NOS3: variants seen among roughly 807,000 people sequenced by gnomAD.
NOS3 encodes nitric oxide synthase 3.
In NOS3, 98 loss-of-function variants were observed where a neutral mutation model predicts 144.9. That is an observed-to-expected ratio of 0.68 (90% CI 0.57 to 0.80). NOS3 has a LOEUF of 0.80. Ranked by LOEUF, NOS3 falls within the 30% of genes least tolerant of loss-of-function variation. NOS3 has a pLI of 0.00. For synonymous variants in NOS3, 714 were observed against 702.4 expected (o/e 1.02, Z -0.26); for missense variants, 1,465 against 1,656.4 (o/e 0.88, Z 2.01).
intron 24 of NOS3, chr7:151,013,027 G>A (rs1435194623): frequency 6.9e-6 from 4 of 576,876 alleles, no homozygotes; most frequent in Non-Finnish European, 1.2e-5. Context: ...CACCTCACCC[G>A]CGCTTCCCTT....
intron 14 of NOS3, among the ~76,000 whole-genome samples, chr7:151,005,805 A>G (rs1386743397): frequency 3.3e-5 from 5 of 152,234 alleles, no homozygotes; most frequent in Non-Finnish European, 7.3e-5. Flanking sequence ...AGGCCGGAGG[A>G]TCGCTTGAGC....
At position 150,993,949 on chromosome 7, in the gene NOS3, C is replaced by A. The variant is rs755710890; in HGVS notation, c.146C>A (p.Ala49Glu). The change falls in exon 2 of 27, where the codon GCG becomes GAG. Residue 49 changes from alanine to glutamate, a missense_variant. Ala to Glu is a moderately radical substitution (Grantham distance 107, BLOSUM62 -1). This residue lies in a region of NOS3 where 374 missense variants were observed against 377.0 expected (regional missense o/e 0.99). Transcript: ENST00000297494. The surrounding 1 kb of genome is among the most constrained non-coding windows in gnomAD (Gnocchi z 4.0). Reference protein sequence around the residue: ...SRAPASLLPPAPEHSPPSSPL... With the variant: ...SRAPASLLPPEPEHSPPSSPL... ...GCCCCAGCATCCCTACTCCCACCAG[C>A]GCCAGAACACAGGTAAGGGCCAGGC... 3 of 1,566,438 alleles carry A rather than the reference C, an allele frequency of 1.9e-6. No individual in the cohort carries two copies. Among genetic ancestry groups the A allele is most frequent in the East Asian group, 4.7e-5 (2 of 42,246 alleles).
In NOS3 at chr7:151,014,326, A is replaced by G; in HGVS notation, c.*157A>G. The G allele has an allele frequency of 1.2e-6, 1 of 823,998 alleles. No homozygotes were observed. Among genetic ancestry groups the G allele is most frequent in the East Asian group, 2.7e-5 (1 of 36,696 alleles). The allele number at this position is 823,998 out of a possible 1,614,324, so 51.0% of individuals were successfully genotyped here. ...CAGCATTATTCCTCCAGGAAGGAGC[A>G]AAACGCCTCTTTTCCCTCTCTAGGC... On this transcript the variant is annotated 3_prime_UTR_variant, in exon 27 of 27. Coordinates refer to ENST00000297494, the MANE Select transcript of NOS3 (RefSeq NM_000603.5).
rs1802506304 is a variant in NOS3 at position 150,999,077 on chromosome 7, G to T, written c.948G>T (p.Glu316Asp). 1 of 1,612,510 alleles carries T rather than the reference G, an allele frequency of 6.2e-7. No homozygotes were observed. Among genetic ancestry groups the T allele is most frequent in the African/African-American group, 1.3e-5 (1 of 74,906 alleles). ...PPELVLEVPLEHPTLEWFAAL... is the reference protein window; with the variant it reads ...PPELVLEVPLDHPTLEWFAAL... Reference sequence around the variant, plus strand: ...AGCTGGTCCTTGAGGTGCCCCTGGAGCACCCCACGTGAGCACCAAAGGGAT... The same window carrying T: ...AGCTGGTCCTTGAGGTGCCCCTGGATCACCCCACGTGAGCACCAAAGGGAT... The change falls in exon 8 of 27, where the codon GAG becomes GAT. Residue 316 changes from glutamate to aspartate, a missense_variant. Physicochemically the swap from Glu to Asp is conservative, Grantham distance 45. This residue lies in a region of NOS3 where 745 missense variants were observed against 853.9 expected (regional missense o/e 0.87). Coordinates refer to ENST00000297494, the MANE Select transcript of NOS3 (RefSeq NM_000603.5).
Position 151,010,957 on chromosome 7 carries a change from C to T in NOS3, c.2955C>T (p.Pro985=), listed in dbSNP as rs758081272. 45 of 1,613,726 alleles carry T rather than the reference C, an allele frequency of 2.8e-5. No homozygotes were observed. The highest frequency in any genetic ancestry group is 3.3e-4 in the Middle Eastern group (2 of 6,082). Residue 985 remains proline, a synonymous_variant, in exon 23 of 27, where the codon CCC becomes CCT. Transcript: ENST00000297494. ...CCACGTGGCTAAGCCAGCTCAAGCC[C>T]GGAGACCCTGTGCCCTGCTTCATCC... ...VCSTWLSQLK[P]GDPVPCFIRG...
At chr7:151,001,986 G>A in intron 13 of NOS3, 21 bp downstream of exon 13, 1 of 1,612,134 alleles carries the variant, frequency 6.2e-7, no homozygotes, top group Non-Finnish European at 8.5e-7. Context: ...GCCCAGGGGA[G>A]CAGGGAGCTA....
rs550073480 is a variant in NOS3, at chr7:151,006,819, G to A, written c.1821-70G>A. The A allele has an allele frequency of 2.4e-6, 3 of 1,243,248 alleles. No individual in the cohort carries two copies. The African/African-American group carries it at 4.4e-5, about 18-fold the overall frequency. The allele number at this position is 1,243,248 out of a possible 1,614,324, so 77.0% of individuals were successfully genotyped here. A position where few individuals can be genotyped will look rare whatever the true frequency, so the allele number is the denominator to read the frequency against. On this transcript the variant is annotated intron_variant, in intron 15 of 26. Coordinates refer to ENST00000297494, the MANE Select transcript of NOS3 (RefSeq NM_000603.5). Reference sequence around the variant, plus strand: ...GGCAGAGACCCTGAAGCCGTCCCTGGGGCTGGGGCTGGGCCTAGCCTGTAT... The same window carrying A: ...GGCAGAGACCCTGAAGCCGTCCCTGAGGCTGGGGCTGGGCCTAGCCTGTAT...
rs762726043 is a variant in NOS3, at chr7:150,993,076, G to A, written c.-51-677G>A. Among the ~76,000 whole-genome samples the A allele has an allele frequency of 2.0e-5, 3 of 152,238 alleles. No individual in the cohort carries two copies. The highest frequency in any genetic ancestry group is 4.4e-5 in the Non-Finnish European group (3 of 68,050). On this transcript the variant is annotated intron_variant, in intron 1 of 26. Coordinates refer to ENST00000297494, the MANE Select transcript of NOS3 (RefSeq NM_000603.5). The surrounding 1 kb of genome is among the most constrained non-coding windows in gnomAD (Gnocchi z 4.0). ...CACTGAATGACAGGGTGGGGGTGGAGGCACTGGAAGGCAGCTTCCTGCTCT... is the reference window on the plus strand; with the variant it reads ...CACTGAATGACAGGGTGGGGGTGGAAGCACTGGAAGGCAGCTTCCTGCTCT...
At chr7:151,009,634 C>T (rs989713968) in intron 20 of NOS3, 49 bp downstream of exon 20, 5 of 1,431,474 alleles carry the variant, frequency 3.5e-6, no homozygotes, top group Non-Finnish European at 4.6e-6. Context: ...CCATGCCCAG[C>T]CCCACCCCCG....
chr7:150,999,980 G>A (rs570540029), intron 9 of NOS3, among the ~76,000 whole-genome samples: 8 of 149,424 alleles, frequency 5.4e-5, no homozygotes, highest in South Asian at 4.3e-4. Flanking sequence ...AGGGGTAGGC[G>A]AGTGTGGGTT....
At position 151,010,602 on chromosome 7, in the gene NOS3, C is replaced by A. The variant is rs201032611; in HGVS notation, c.2691C>A (p.Pro897=). 4.4e-5 allele frequency: 70 copies of A among 1,587,898 alleles called. No homozygotes were observed. In the East Asian group the frequency reaches 1.4e-3, roughly 31 times the overall value. The stretch of plus-strand genomic sequence containing the variant: ...ACTGCATCCTGCCCCGCCAGGATCC[C>A]CGACGCTACGAGGAGTGGAAGTGGT... ...QQELEALSQD[P]RRYEEWKWFR... is the part of the protein sequence containing the mutation. The change falls in exon 22 of 27, where the codon CCC becomes CCA. Residue 897 remains proline (P), a synonymous_variant. Coordinates refer to ENST00000297494, the MANE Select transcript of NOS3 (RefSeq NM_000603.5).
At chr7:151,010,566 G>A (rs1469724612) in intron 21 of NOS3, 31 bp from the exon 22 acceptor site, 1 of 1,524,658 alleles carries the variant, frequency 6.6e-7, no homozygotes, top group Admixed American at 2.0e-5. Flanking sequence ...GGGCTATGGG[G>A]CCTCCAACCC....
At position 151,009,397 on chromosome 7, in the gene NOS3, G is replaced by A; in HGVS notation, c.2325-1G>A. The A allele has an allele frequency of 1.5e-6, 2 of 1,316,622 alleles. No homozygotes were observed. The highest frequency in any genetic ancestry group is 2.0e-6 in the Non-Finnish European group (2 of 1,010,016). 81.6% of individuals were successfully genotyped at this position (1,316,622 alleles called of 1,614,324 possible). A position where few individuals can be genotyped will look rare whatever the true frequency, so the allele number is the denominator to read the frequency against. On this transcript the variant is annotated splice_acceptor_variant, in intron 19 of 26. Transcript: ENST00000297494. LOFTEE classifies it high-confidence loss of function. Reference sequence around the variant, plus strand: ...ATAAGTGCCCCTCTCCCCACCCCCAGGAGGGCCACCATCCTGGTGCGCCTG... The same window carrying A: ...ATAAGTGCCCCTCTCCCCACCCCCAAGAGGGCCACCATCCTGGTGCGCCTG...
In NOS3 at chr7:150,996,840, G is replaced by A. The variant is rs761010035; in HGVS notation, c.497G>A (p.Arg166Lys). ...GCAGCCACAGGCACCTACCAGCTTA[G>A]GGAGAGCGAGCTGGTGTTCGGGGCT... ...EVAATGTYQL[R>K]ESELVFGAKQ... The change falls in exon 5 of 27, where the codon AGG becomes AAG. Residue 166 changes from arginine (R) to lysine (K), a missense_variant. This residue lies in a region of NOS3 where 374 missense variants were observed against 377.0 expected (regional missense o/e 0.99). Coordinates refer to ENST00000297494, the MANE Select transcript of NOS3 (RefSeq NM_000603.5). 3.7e-6 allele frequency: 6 copies of A among 1,608,668 alleles called. No homozygotes were observed. In the South Asian group the frequency reaches 5.6e-5, roughly 15 times the overall value.
chr7:151,002,383 AACACACACACACAC>A lies in NOS3; in HGVS notation c.1752+136_1752+149del, dbSNP rs3138808. ...AGTGACTGGGCAGGAACCTCTGCCC[AACACACACACACAC>A]ACACACACACACACACACACACACA... On this transcript the variant is annotated intron_variant, in intron 14 of 26. Coordinates refer to ENST00000297494, the MANE Select transcript of NOS3 (RefSeq NM_000603.5). This position sits in a 1 kb window ranked among gnomAD's most constrained non-coding sequence, Gnocchi z 4.1. 3,239 of 270,760 alleles carry A rather than the reference AACACACACACACAC, an allele frequency of 0.012. 48 individuals carry two copies. The highest frequency in any genetic ancestry group is 0.032 in the African/African-American group (789 of 24,498). 16.8% of individuals were successfully genotyped at this position (270,760 alleles called of 1,614,324 possible). A position where few individuals can be genotyped will look rare whatever the true frequency, so the allele number is the denominator to read the frequency against.
rs1257492468 is a variant in NOS3, at chr7:151,009,505, A to G, written c.2432A>G (p.Glu811Gly). ...CCGCCCAACCGGCCCGGCCTTGTGGAGGCGCTGCTGAGCCGCGTGGAGGAC... is the reference window on the plus strand; with the variant it reads ...CCGCCCAACCGGCCCGGCCTTGTGGGGGCGCTGCTGAGCCGCGTGGAGGAC... ...VCPPNRPGLVEALLSRVEDPP... is the reference protein window; with the variant it reads ...VCPPNRPGLVGALLSRVEDPP... Residue 811 changes from glutamate (E) to glycine (G), a missense_variant, in exon 20 of 27, where the codon GAG (glutamate) becomes GGG (glycine). Coordinates refer to ENST00000297494, the MANE Select transcript of NOS3 (RefSeq NM_000603.5). The G allele has an allele frequency of 6.5e-7, 1 of 1,547,500 alleles. No individual in the cohort carries two copies. The highest frequency in any genetic ancestry group is 8.7e-7 in the Non-Finnish European group (1 of 1,146,528).
Position 150,997,334 on chromosome 7 carries a change from G to A in NOS3, c.582+409G>A, listed in dbSNP as rs143651412. Among the ~76,000 whole-genome samples, 214 of 152,154 alleles carry A rather than the reference G, an allele frequency of 1.4e-3. 8 individuals are homozygous for A. The East Asian group carries it at 0.034, about 24-fold the overall frequency. ...GCTGAGCGGAGCTTCCCTGGGCGGT[G>A]CTGTCAGTAGCAGGAGCAGCCTCCT... On this transcript the variant is annotated intron_variant, in intron 5 of 26. Transcript: ENST00000297494.
chr7:151,010,044 C>A, intron 20 of NOS3, 71 bp from the exon 21 acceptor site: 1 of 984,358 alleles, frequency 1.0e-6, no homozygotes, highest in South Asian at 1.5e-5. Context: ...GTCACCAAAA[C>A]ACAAACATCA....
Position 151,001,534 on chromosome 7 carries a change from C to G in NOS3, c.1429-10C>G. The G allele has an allele frequency of 6.2e-7, 1 of 1,613,712 alleles. No individual in the cohort carries two copies. Among genetic ancestry groups the G allele is most frequent in the Non-Finnish European group, 8.5e-7 (1 of 1,179,708 alleles). Reference sequence around the variant, plus strand: ...TTACCTCCCCTCCCAACCCCATCATCTCTCTGCAGCCAGACCCCTGGAAGG... The same window carrying G: ...TTACCTCCCCTCCCAACCCCATCATGTCTCTGCAGCCAGACCCCTGGAAGG... On this transcript the variant is annotated splice_polypyrimidine_tract_variant and intron_variant, in intron 11 of 26. Coordinates refer to ENST00000297494, the MANE Select transcript of NOS3 (RefSeq NM_000603.5).
Sources: allele counts gnomAD v4.1 joint callset (sites outside exome capture counted in the v4.1 genomes callset), GRCh38; gene constraint gnomAD v4.1.1; regional missense constraint gnomAD v4.1.1; non-coding constraint Gnocchi (gnomAD v3.1); transcripts MANE v1.5; gene names NCBI Gene and HGNC (gene_info 2026-07-23, HGNC 2026-07-21).